Variants in FHAD1 observed in about 807,000 individuals in gnomAD.
FHAD1 encodes forkhead associated phosphopeptide binding domain 1.
In FHAD1, 146 loss-of-function variants were observed where a neutral mutation model predicts 191.3. The ratio of observed to expected loss-of-function variants is 0.76; its 90% CI spans 0.67 to 0.88. FHAD1 has a LOEUF of 0.88. Ranked by LOEUF, FHAD1 falls within the 40% of genes least tolerant of loss-of-function variation. The pLI, the probability that FHAD1 is intolerant of heterozygous loss-of-function variation, is 0.00. For missense variants in FHAD1, 1,635 were observed against 1,785.8 expected (o/e 0.92, Z 1.52); for synonymous variants, 616 against 672.3 (o/e 0.92, Z 1.29).
At chr1:15,291,414 A>G (rs1415119915) in intron 4 of FHAD1, among the ~76,000 whole-genome samples, 2 of 152,154 alleles carry the variant, frequency 1.3e-5, no homozygotes, top group Admixed American at 6.5e-5. Flanking sequence ...ATATCTCTCT[A>G]TCAATCATTT....
At chr1:15,345,231 G>T in intron 17 of FHAD1, 41 bp downstream of exon 17, 1 of 1,505,074 alleles carries the variant, frequency 6.6e-7, no homozygotes, top group South Asian at 1.2e-5. Context: ...GAGCCCCACT[G>T]CAGCTAGGAA....
intron 20 of FHAD1, among the ~76,000 whole-genome samples, chr1:15,355,038 G>A (rs1228851507): frequency 2.0e-5 from 3 of 152,110 alleles, no homozygotes; most frequent in Non-Finnish European, 4.4e-5. Flanking sequence ...GTGAAACCCC[G>A]TCTCTACTGA....
intron 23 of FHAD1, among the ~76,000 whole-genome samples, chr1:15,363,182 G>A (rs527387652): frequency 1.4e-4 from 21 of 152,330 alleles, no homozygotes; most frequent in Middle Eastern, 6.8e-3. Context: ...GAGTCTGGGA[G>A]TGGTGCAGGG....
chr1:15,329,254 G>A lies in FHAD1; in HGVS notation c.1711-92G>A. ...CAATACGTGGCGCTGCCTGCTTCGT[G>A]GCAGAGTCAAGAACGCTGTTCCTCG... On this transcript the variant is annotated intron_variant, in intron 13 of 33. Transcript: ENST00000688493. The surrounding 1 kb of genome is among the most constrained non-coding windows in gnomAD (Gnocchi z 5.0). 9.3e-7 allele frequency: 1 copy of A among 1,075,902 alleles called. No homozygotes were observed. Among genetic ancestry groups the A allele is most frequent in the Non-Finnish European group, 1.3e-6 (1 of 775,510 alleles). 66.6% of individuals were successfully genotyped at this position (1,075,902 alleles called of 1,614,324 possible). A position where few individuals can be genotyped will look rare whatever the true frequency, so the allele number is the denominator to read the frequency against.
intron 23 of FHAD1, among the ~76,000 whole-genome samples, chr1:15,365,507 G>T (rs1207439127): frequency 2.6e-5 from 2 of 76,730 alleles, no homozygotes; most frequent in Non-Finnish European, 4.7e-5. Flanking sequence ...TTTTTGTAGA[G>T]ACGGGGTTCT....
intron 2 of FHAD1, among the ~76,000 whole-genome samples, chr1:15,255,909 G>T (rs1336089253): frequency 6.6e-6 from 1 of 152,160 alleles, no homozygotes; most frequent in Non-Finnish European, 1.5e-5. Flanking sequence ...GAAAAACAAT[G>T]GGAAGATGCC....
intron 2 of FHAD1, among the ~76,000 whole-genome samples, chr1:15,254,242 G>A (rs916261426): frequency 6.6e-6 from 1 of 152,182 alleles, no homozygotes; most frequent in Admixed American, 6.5e-5. Context: ...TATGATATTA[G>A]AAAACTGTAG....
chr1:15,383,345 C>T (rs558886659), intron 31 of FHAD1: 105 of 429,172 alleles, frequency 2.4e-4, no homozygotes, highest in South Asian at 1.7e-3. Flanking sequence ...GCGGACACTG[C>T]CTTCCCCATG....
chr1:15,249,523 T>G (rs1472826117), intron 1 of FHAD1, among the ~76,000 whole-genome samples: 1 of 152,234 alleles, frequency 6.6e-6, no homozygotes, highest in African/African-American at 2.4e-5. Flanking sequence ...TTTATCCCTA[T>G]TAAAGACAGC....
intron 10 of FHAD1, among the ~76,000 whole-genome samples, chr1:15,319,757 A>T (rs1675666862): frequency 6.6e-6 from 1 of 152,212 alleles, no homozygotes. Context: ...GTCCAGAAAA[A>T]CTTATGGATG....
At chr1:15,384,657 G>T (rs112622179) in intron 31 of FHAD1, 2 of 152,352 alleles carry the variant, frequency 1.3e-5, no homozygotes, top group African/African-American at 2.4e-5. Flanking sequence ...GTCCGAAGCG[G>T]CCAAGCCAAA....
chr1:15,356,105 T>C (rs1410359704), intron 20 of FHAD1, among the ~76,000 whole-genome samples: 1 of 152,214 alleles, frequency 6.6e-6, no homozygotes, highest in Non-Finnish European at 1.5e-5. Flanking sequence ...AAGTTAGTGA[T>C]TGACACTGTG....
chr1:15,339,299 G>A (rs1350497220), intron 14 of FHAD1, among the ~76,000 whole-genome samples, 182 bp from the exon 15 acceptor site: 3 of 152,150 alleles, frequency 2.0e-5, no homozygotes, highest in Non-Finnish European at 4.4e-5. Flanking sequence ...GGGGTTACAG[G>A]TGTGAACCTC....
chr1:15,394,900 C>T (rs1705405929), intron 33 of FHAD1, among the ~76,000 whole-genome samples: 1 of 152,136 alleles, frequency 6.6e-6, no homozygotes, highest in African/African-American at 2.4e-5. Context: ...ACAGTATTAT[C>T]CACAGTGTGT....
chr1:15,236,982 G>T (rs1056850796), intron 1 of FHAD1, among the ~76,000 whole-genome samples: 1 of 152,106 alleles, frequency 6.6e-6, no homozygotes, highest in African/African-American at 2.4e-5. Context: ...GTTTTATAAG[G>T]GGCTTTCCCC....
At chr1:15,382,256 C>T in intron 31 of FHAD1, 63 bp downstream of exon 31, 1 of 1,497,790 alleles carries the variant, frequency 6.7e-7, no homozygotes, top group Non-Finnish European at 9.0e-7. Flanking sequence ...TTAGCAATGG[C>T]CGAGGGTGGT....
At chr1:15,280,037 A>G (rs1660012601) in intron 3 of FHAD1, among the ~76,000 whole-genome samples, 1 of 152,206 alleles carries the variant, frequency 6.6e-6, no homozygotes. Flanking sequence ...CCAAGGAAGT[A>G]GCGTGGCTTG....
chr1:15,298,635 A>G (rs976002940), intron 5 of FHAD1, among the ~76,000 whole-genome samples: 2 of 152,130 alleles, frequency 1.3e-5, no homozygotes, highest in Non-Finnish European at 2.9e-5. Flanking sequence ...TATCATGTCT[A>G]TCACTTTTTC....
intron 6 of FHAD1, among the ~76,000 whole-genome samples, chr1:15,305,480 G>A (rs1025149610): frequency 9.2e-5 from 14 of 152,136 alleles, no homozygotes; most frequent in African/African-American, 2.4e-4. Flanking sequence ...CGACTGATCC[G>A]TGCAATCCCA....
Sources: allele counts gnomAD v4.1 joint callset (sites outside exome capture counted in the v4.1 genomes callset), GRCh38; gene constraint gnomAD v4.1.1; non-coding constraint Gnocchi (gnomAD v3.1); transcripts MANE v1.5; gene names NCBI Gene and HGNC (gene_info 2026-07-23, HGNC 2026-07-21).